PDE7B: variants seen among roughly 807,000 people sequenced by gnomAD.
The protein encoded by PDE7B is 3',5'-cyclic-AMP phosphodiesterase 7B.
A neutral mutation model predicts 56.2 loss-of-function variants in PDE7B; 29 were observed. That is an observed-to-expected ratio of 0.52 (90% CI 0.38 to 0.70). The LOEUF (loss-of-function observed/expected upper bound fraction) is 0.70. Ranked by LOEUF, PDE7B falls within the 30% of genes least tolerant of loss-of-function variation. PDE7B has a pLI of 0.00. For synonymous variants in PDE7B, 197 were observed against 196.9 expected (o/e 1.00, Z 0.00); for missense variants, 490 against 565.0 (o/e 0.87, Z 1.35).
chr6:136,012,703 A>G (rs1334788327), intron 2 of PDE7B: 1 of 152,216 alleles, frequency 6.6e-6, no homozygotes, highest in Non-Finnish European at 1.5e-5. Context: ...TCAGCAGCTC[A>G]GTCATTTTAG....
At chr6:135,881,513 A>G (rs910561957) in intron 1 of PDE7B, among the ~76,000 whole-genome samples, 5 of 152,110 alleles carry the variant, frequency 3.3e-5, no homozygotes, top group African/African-American at 1.2e-4. Context: ...TCTCAAAAAA[A>G]AAGAAATAGT....
chr6:136,163,578 T>G (rs1166968137), intron 8 of PDE7B, among the ~76,000 whole-genome samples: 1 of 152,240 alleles, frequency 6.6e-6, no homozygotes, highest in Non-Finnish European at 1.5e-5. Context: ...GCTTGTTACT[T>G]ATGCAAATTT....
intron 2 of PDE7B, among the ~76,000 whole-genome samples, chr6:136,075,101 G>A (rs1777108864): frequency 6.6e-6 from 1 of 152,176 alleles, no homozygotes; most frequent in South Asian, 2.1e-4. Context: ...TGAATAAAGT[G>A]TTCTCAAGCC....
At chr6:136,021,383 G>A (rs1026938829) in intron 2 of PDE7B, among the ~76,000 whole-genome samples, 4 of 152,112 alleles carry the variant, frequency 2.6e-5, no homozygotes, top group African/African-American at 7.2e-5. Context: ...AGTGGCTCAC[G>A]CCTGTAATCC....
Position 135,968,118 on chromosome 6 carries a change from A to G in PDE7B, c.82+20594A>G, listed in dbSNP as rs1174172806. Among the ~76,000 whole-genome samples, 3 of 152,342 alleles carry G rather than the reference A, an allele frequency of 2.0e-5. No homozygotes were observed. In the East Asian group the frequency reaches 5.8e-4, roughly 29 times the overall value. ...TGGCTAGCCATATGCAGAAAATTCAAACTGAACCCCTTCCTTATACCTTAT... is the reference window on the plus strand; with the variant it reads ...TGGCTAGCCATATGCAGAAAATTCAGACTGAACCCCTTCCTTATACCTTAT... On this transcript the variant is annotated intron_variant, in intron 2 of 12. Coordinates refer to ENST00000308191, the MANE Select transcript of PDE7B (RefSeq NM_018945.4).
chr6:136,019,580 T>C (rs2128207960), intron 2 of PDE7B, among the ~76,000 whole-genome samples: 2 of 152,296 alleles, frequency 1.3e-5, no homozygotes, highest in Middle Eastern at 3.4e-3. Context: ...GGCAATACAG[T>C]TGATCCTTGA....
chr6:136,072,977 A>C (rs995889623), intron 2 of PDE7B: 2 of 152,060 alleles, frequency 1.3e-5, no homozygotes, highest in African/African-American at 4.8e-5. Flanking sequence ...GCTAAGAGCC[A>C]CTCAACGCAC....
intron 8 of PDE7B, among the ~76,000 whole-genome samples, chr6:136,167,083 T>G (rs1438562806): frequency 2.6e-5 from 4 of 152,032 alleles, no homozygotes; most frequent in African/African-American, 9.7e-5. Context: ...CAGGCAGGAA[T>G]GACTAACTCC....
chr6:135,868,069 A>C (rs1344215190), intron 1 of PDE7B, among the ~76,000 whole-genome samples: 3 of 152,248 alleles, frequency 2.0e-5, no homozygotes, highest in African/African-American at 7.2e-5. Flanking sequence ...TAGGTTATTC[A>C]TACAATCTTG....
intron 2 of PDE7B, among the ~76,000 whole-genome samples, chr6:136,098,473 T>A (rs907117608): frequency 4.6e-5 from 7 of 152,268 alleles, no homozygotes; most frequent in Admixed American, 3.9e-4. Flanking sequence ...TTATATTTAG[T>A]TTTAAAATTT....
intron 1 of PDE7B, among the ~76,000 whole-genome samples, chr6:135,935,217 T>TATATATATATATATATATA (rs1554268029): frequency 3.2e-4 from 29 of 91,154 alleles, no homozygotes; most frequent in African/African-American, 7.8e-4. Context: ...TATATATATA[T>TATATATATATATATATATA]TTTCATGATT....
intron 1 of PDE7B, among the ~76,000 whole-genome samples, chr6:135,914,941 C>T (rs1034294538): frequency 6.6e-6 from 1 of 151,664 alleles, no homozygotes; most frequent in African/African-American, 2.4e-5. Context: ...AAAAGTACAA[C>T]AATTAGCCAG....
At chr6:136,013,962 G>A (rs1262846587) in intron 2 of PDE7B, among the ~76,000 whole-genome samples, 2 of 152,166 alleles carry the variant, frequency 1.3e-5, no homozygotes, top group African/African-American at 2.4e-5. Context: ...TTTTCTCTGA[G>A]CGGTTCTTCC....
intron 1 of PDE7B, among the ~76,000 whole-genome samples, chr6:135,890,084 G>A (rs1775784524): frequency 6.6e-6 from 1 of 152,108 alleles, no homozygotes; most frequent in African/African-American, 2.4e-5. Context: ...CTCAGTGTGT[G>A]AATTGGGCAG....
intron 2 of PDE7B, among the ~76,000 whole-genome samples, chr6:135,978,398 G>A (rs576685637): frequency 6.6e-6 from 1 of 152,184 alleles, no homozygotes; most frequent in East Asian, 1.9e-4. Context: ...AGTGGTGAGT[G>A]AATATGAAGA....
chr6:136,032,885 G>C (rs147758682), intron 2 of PDE7B, among the ~76,000 whole-genome samples: 7 of 152,292 alleles, frequency 4.6e-5, no homozygotes, highest in African/African-American at 1.7e-4. Context: ...CCCATTTATA[G>C]ATAAGGCCCC....
At chr6:136,152,341 A>G (rs185997035) in intron 6 of PDE7B, among the ~76,000 whole-genome samples, 3 of 152,378 alleles carry the variant, frequency 2.0e-5, no homozygotes, top group East Asian at 1.9e-4. Flanking sequence ...TTTTTAAAAA[A>G]TAATAATAAC....
chr6:135,943,893 A>T (rs965301475), intron 1 of PDE7B, among the ~76,000 whole-genome samples: 1 of 152,160 alleles, frequency 6.6e-6, no homozygotes, highest in Non-Finnish European at 1.5e-5. Flanking sequence ...GTGGAAGGAG[A>T]TCATGTGCCA....
chr6:136,136,650 C>A (rs1012293193), intron 3 of PDE7B, among the ~76,000 whole-genome samples: 1 of 151,694 alleles, frequency 6.6e-6, no homozygotes, highest in African/African-American at 2.4e-5. Context: ...ACATTGCATG[C>A]CCGTTATCAA....
Sources: gnomAD v4.1 joint callset for allele counts (sites outside exome capture counted in the v4.1 genomes callset) on GRCh38, gnomAD v4.1.1 for gene constraint, MANE v1.5 for transcripts, NCBI Gene and HGNC (gene_info 2026-07-23, HGNC 2026-07-21) for gene names.